Variants in CLEC1A observed in about 807,000 individuals in gnomAD.
CLEC1A encodes the protein C-type lectin domain family 1 member A.
Under a neutral mutation model 28.7 loss-of-function variants are expected in CLEC1A, and 34 were observed. That is an observed-to-expected ratio of 1.18 (90% CI 0.90 to 1.57). The LOEUF is 1.57. Among genes scored for constraint, CLEC1A ranks in the 40% most tolerant of loss-of-function variants. The pLI is 0.00. For missense variants in CLEC1A, 385 were observed against 339.5 expected, an observed-to-expected ratio of 1.13 and a Z score of -1.05; for synonymous variants, 116 against 121.0, an observed-to-expected ratio of 0.96 and a Z score of 0.27.
chr12:10,091,655 T>TAAA (rs11407068), intron 1 of CLEC1A, among the ~76,000 whole-genome samples: 1 of 145,238 alleles, frequency 6.9e-6, no homozygotes. Context: ...CAGCAGAACA[T>TAAA]AAAAAAAAAA....
chr12:10,095,762 A>T (rs10845036), intron 1 of CLEC1A, among the ~76,000 whole-genome samples: 114,912 of 151,986 alleles, frequency 0.76, 45,166 homozygotes, highest in Non-Finnish European at 0.88. Context: ...ACTTTTCTAA[A>T]ACTCTTGAAT....
chr12:10,082,231 G>A (rs1866388087), intron 2 of CLEC1A, among the ~76,000 whole-genome samples: 1 of 152,160 alleles, frequency 6.6e-6, no homozygotes, highest in Non-Finnish European at 1.5e-5. Flanking sequence ...GGAAGGTGGG[G>A]AGCGGCGTGG....
chr12:10,089,071 C>G (rs775053265), intron 2 of CLEC1A, 53 bp downstream of exon 2: 18 of 1,360,150 alleles, frequency 1.3e-5, no homozygotes, highest in Non-Finnish European at 1.8e-5. Context: ...TGTTTCTCAT[C>G]CTAGACAAAC....
At chr12:10,073,217 C>G in intron 5 of CLEC1A, 76 bp downstream of exon 5, 1 of 1,075,456 alleles carries the variant, frequency 9.3e-7, no homozygotes, top group Middle Eastern at 2.0e-4. Flanking sequence ...CTTGATGGAC[C>G]AAATTCTTGA....
chr12:10,073,094 C>T (rs149203465), intron 5 of CLEC1A, among the ~76,000 whole-genome samples, 199 bp downstream of exon 5: 21 of 152,126 alleles, frequency 1.4e-4, no homozygotes, highest in African/African-American at 4.6e-4. Flanking sequence ...AACAATCAAA[C>T]GAACAAACAC....
At chr12:10,077,148 G>C (rs1866267732) in intron 3 of CLEC1A, among the ~76,000 whole-genome samples, 1 of 152,136 alleles carries the variant, frequency 6.6e-6, no homozygotes, top group African/African-American at 2.4e-5. Flanking sequence ...AAAGGACTGA[G>C]AGCCTTATGT....
At chr12:10,081,490 A>G in intron 2 of CLEC1A, 77 bp from the exon 3 acceptor site, 1 of 1,241,714 alleles carries the variant, frequency 8.1e-7, no homozygotes, top group South Asian at 1.6e-5. Context: ...GGGGAAGACA[A>G]AACAGTATAT....
chr12:10,089,166 A>G lies in CLEC1A; in HGVS notation c.172T>C (p.Cys58Arg), dbSNP rs1222692559. The G allele has an allele frequency of 6.2e-7, 1 of 1,614,020 alleles. No individual in the cohort carries two copies. ...GCCAGCCCTATCAGCAGCACCAAGCACAAAGTCAGCAGGGTCAGGGCCACT... is the reference window on the plus strand; with the variant it reads ...GCCAGCCCTATCAGCAGCACCAAGCGCAAAGTCAGCAGGGTCAGGGCCACT... ...RPVALTLLTL[C>R]LVLLIGLAAL... Residue 58 changes from cysteine to arginine, a missense_variant, in exon 2 of 6, where the codon TGC becomes CGC. Physicochemically the swap from Cys to Arg is radical, Grantham distance 180. Coordinates refer to ENST00000315330, the MANE Select transcript of CLEC1A (RefSeq NM_016511.4).
chr12:10,073,555 A>G, intron 4 of CLEC1A, 144 bp from the exon 5 acceptor site: 1 of 630,624 alleles, frequency 1.6e-6, no homozygotes, highest in East Asian at 2.7e-5. Flanking sequence ...GAGAAAAAGC[A>G]TCTATGCTGA....
chr12:10,098,902 G>T lies in CLEC1A; in HGVS notation c.21C>A (p.Ser7Arg). The T allele has an allele frequency of 6.2e-7, 1 of 1,612,948 alleles. No individual in the cohort carries two copies. Reference sequence around the variant, plus strand: ...CATCATCATCCAGCATGTCCCTCGTGCTGCTGTACTTGGCCTGCATCTGGA... The same window carrying T: ...CATCATCATCCAGCATGTCCCTCGTTCTGCTGTACTTGGCCTGCATCTGGA... MQAKYS[S>R]TRDMLDDDGD... Residue 7 changes from serine (S) to arginine (R), a missense_variant, in exon 1 of 6, where the codon AGC (serine) becomes AGA (arginine). By Grantham distance (110) the Ser-to-Arg change is moderately radical (BLOSUM62 -1). Transcript: ENST00000315330.
chr12:10,075,364 A>G (rs967884236), intron 4 of CLEC1A, 140 bp downstream of exon 4: 4 of 765,544 alleles, frequency 5.2e-6, no homozygotes, highest in Non-Finnish European at 8.4e-6. Flanking sequence ...TCAAAGCAAT[A>G]GGAATAAGAC....
rs151128076 is a variant in CLEC1A at position 10,076,427 on chromosome 12, T to C, written c.392-772A>G. Among the ~76,000 whole-genome samples the C allele has an allele frequency of 1.6e-3, 244 of 152,314 alleles. 1 individual carries two copies. Among genetic ancestry groups the C allele is most frequent in the African/African-American group, 5.7e-3 (239 of 41,576 alleles). The stretch of plus-strand genomic sequence containing the variant: ...TAATACACAGGTAGGTGTTATATTA[T>C]TGTTTATATCTTCTTGTAAATTTGA... On this transcript the variant is annotated intron_variant, in intron 3 of 5. Transcript: ENST00000315330.
At chr12:10,075,688 T>C in intron 3 of CLEC1A, 33 bp from the exon 4 acceptor site, 1 of 1,604,326 alleles carries the variant, frequency 6.2e-7, no homozygotes, top group South Asian at 1.1e-5. Flanking sequence ...TGTTATTTTC[T>C]GCATGAGTCT....
chr12:10,074,890 A>G (rs765417288), intron 4 of CLEC1A, among the ~76,000 whole-genome samples: 13 of 152,342 alleles, frequency 8.5e-5, no homozygotes, highest in Non-Finnish European at 1.8e-4. Context: ...AGAAACTGAT[A>G]AATAAACAAC....
intron 1 of CLEC1A, among the ~76,000 whole-genome samples, chr12:10,093,031 G>T (rs1188513551): frequency 6.6e-6 from 1 of 151,948 alleles, no homozygotes; most frequent in Admixed American, 6.6e-5. Flanking sequence ...CTCCCATGAC[G>T]GAAAGTCCAT....
chr12:10,083,333 C>T (rs1175475276), intron 2 of CLEC1A, among the ~76,000 whole-genome samples: 1 of 152,216 alleles, frequency 6.6e-6, no homozygotes, highest in African/African-American at 2.4e-5. Context: ...AAAGGTAACA[C>T]TAGCTCCCCA....
At chr12:10,095,927 G>A (rs187412487) in intron 1 of CLEC1A, among the ~76,000 whole-genome samples, 2 of 152,076 alleles carry the variant, frequency 1.3e-5, no homozygotes, top group East Asian at 3.9e-4. Flanking sequence ...TTGCTCCTCA[G>A]GTGTTGATAT....
intron 2 of CLEC1A, among the ~76,000 whole-genome samples, chr12:10,083,343 AG>A (rs562414832): frequency 7.3e-4 from 111 of 152,382 alleles, no homozygotes; most frequent in South Asian, 7.2e-3. Flanking sequence ...CTAGCTCCCC[AG>A]CAATGGATTC....
intron 3 of CLEC1A, among the ~76,000 whole-genome samples, chr12:10,079,984 A>G (rs989763701): frequency 2.0e-5 from 3 of 152,166 alleles, no homozygotes; most frequent in Non-Finnish European, 2.9e-5. Context: ...CCAACAAAGG[A>G]AAGTATGCAC....
Sources: gnomAD v4.1 joint callset for allele counts (sites outside exome capture counted in the v4.1 genomes callset) on GRCh38, gnomAD v4.1.1 for gene constraint, MANE v1.5 for transcripts, NCBI Gene and HGNC (gene_info 2026-07-23, HGNC 2026-07-21) for gene names.